LRRC4C: variants seen among roughly 807,000 people sequenced by gnomAD.
LRRC4C encodes the protein leucine-rich repeat-containing protein 4C.
LRRC4C carries 5 observed loss-of-function variants against 33.6 expected under a neutral mutation model. The ratio of observed to expected loss-of-function variants is 0.15; its 90% confidence interval spans 0.08 to 0.31. The LOEUF is 0.31. Among genes scored for constraint, LRRC4C ranks in the 10% least tolerant of loss-of-function variants. LRRC4C has a pLI of 1.00. For synonymous variants in LRRC4C, 329 were observed against 302.0 expected, an observed-to-expected ratio of 1.09 and a Z score of -0.93; for missense variants, 560 against 796.7, an observed-to-expected ratio of 0.70 and a Z score of 3.58.
intron 1 of LRRC4C, among the ~76,000 whole-genome samples, chr11:41,146,923 G>T (rs568689604): frequency 6.6e-6 from 1 of 152,190 alleles, no homozygotes; most frequent in Admixed American, 6.5e-5. Flanking sequence ...AAAAATTCTG[G>T]GTTCAGGGTT....
At chr11:40,696,255 G>T (rs1384668654) in intron 2 of LRRC4C, among the ~76,000 whole-genome samples, 1 of 100,972 alleles carries the variant, frequency 9.9e-6, no homozygotes, top group Admixed American at 8.8e-5. Flanking sequence ...TGGGGGTGAG[G>T]TATTATCTTC....
At chr11:40,350,393 C>T (rs1276976584) in intron 3 of LRRC4C, among the ~76,000 whole-genome samples, 2 of 151,914 alleles carry the variant, frequency 1.3e-5, no homozygotes, top group African/African-American at 4.8e-5. Context: ...AATGAGTTCA[C>T]GGCAGATGTA....
chr11:41,230,436 C>G (rs1166447953), intron 1 of LRRC4C, among the ~76,000 whole-genome samples: 1 of 152,096 alleles, frequency 6.6e-6, no homozygotes, highest in Non-Finnish European at 1.5e-5. Flanking sequence ...GCAAATCCCA[C>G]TTTCTCAGCC....
intron 1 of LRRC4C, among the ~76,000 whole-genome samples, chr11:41,086,660 A>T (rs947957005): frequency 3.3e-5 from 5 of 152,150 alleles, no homozygotes; most frequent in African/African-American, 4.8e-5. Context: ...TCTTACAGGC[A>T]TGGTGACTTT....
At chr11:41,383,730 A>G (rs1953245929) in intron 1 of LRRC4C, among the ~76,000 whole-genome samples, 1 of 151,998 alleles carries the variant, frequency 6.6e-6, no homozygotes, top group Non-Finnish European at 1.5e-5. Context: ...ATTTCATGAT[A>G]GAAATAAATA....
intron 2 of LRRC4C, among the ~76,000 whole-genome samples, chr11:40,702,863 C>T (rs1945942585): frequency 6.6e-6 from 1 of 152,130 alleles, no homozygotes; most frequent in Non-Finnish European, 1.5e-5. Flanking sequence ...GACCCCACTC[C>T]TTCATCCCCC....
chr11:41,126,395 A>G (rs370224243), intron 1 of LRRC4C, among the ~76,000 whole-genome samples: 1 of 151,968 alleles, frequency 6.6e-6, no homozygotes, highest in Non-Finnish European at 1.5e-5. Context: ...AAGGGTTGCA[A>G]TAGGGATCCT....
intron 1 of LRRC4C, among the ~76,000 whole-genome samples, chr11:41,083,448 A>T (rs2902121): frequency 0.26 from 39,170 of 151,966 alleles, 5,228 homozygotes; most frequent in Admixed American, 0.34. Flanking sequence ...CGACTTTCTC[A>T]GCCCGCCACA....
At chr11:40,649,614 C>G (rs1942666059) in intron 2 of LRRC4C, among the ~76,000 whole-genome samples, 1 of 152,054 alleles carries the variant, frequency 6.6e-6, no homozygotes, top group Non-Finnish European at 1.5e-5. Context: ...GACATACATT[C>G]TCAGTTTATG....
At chr11:40,501,888 G>A (rs777825382) in intron 3 of LRRC4C, among the ~76,000 whole-genome samples, 1 of 152,136 alleles carries the variant, frequency 6.6e-6, no homozygotes, top group Non-Finnish European at 1.5e-5. Context: ...CCTATTGTCA[G>A]GCTGCAAAAT....
At chr11:40,937,609 G>GTA (rs1957963462) in intron 1 of LRRC4C, among the ~76,000 whole-genome samples, 1 of 127,256 alleles carries the variant, frequency 7.9e-6, no homozygotes, top group Non-Finnish European at 1.7e-5. Flanking sequence ...GTATATGTGT[G>GTA]TGTGTGTGTG....
At chr11:40,827,494 C>G (rs1474547006) in intron 2 of LRRC4C, among the ~76,000 whole-genome samples, 1 of 151,862 alleles carries the variant, frequency 6.6e-6, no homozygotes, top group Non-Finnish European at 1.5e-5. Context: ...TCTTTGCTAT[C>G]TTCTTTCTAG....
At chr11:41,315,564 T>C (rs1227885342) in intron 1 of LRRC4C, among the ~76,000 whole-genome samples, 2 of 152,098 alleles carry the variant, frequency 1.3e-5, no homozygotes, top group Non-Finnish European at 2.9e-5. Flanking sequence ...AGAAGTGAGT[T>C]CTCCAACCCC....
chr11:40,927,801 C>T (rs1177985232), intron 2 of LRRC4C, among the ~76,000 whole-genome samples: 4 of 152,138 alleles, frequency 2.6e-5, no homozygotes, highest in Non-Finnish European at 4.4e-5. Context: ...TAAGGGCATG[C>T]TTTTGACATA....
intron 2 of LRRC4C, among the ~76,000 whole-genome samples, chr11:40,914,773 T>C (rs145715322): frequency 0.061 from 9,296 of 152,208 alleles, 399 homozygotes; most frequent in Admixed American, 0.15. Context: ...TGTTTGCAGA[T>C]GACATGATTA....
chr11:40,852,723 T>C, intron 2 of LRRC4C, among the ~76,000 whole-genome samples: 1 of 152,186 alleles, frequency 6.6e-6, no homozygotes, highest in East Asian at 1.9e-4. Flanking sequence ...AACATTAGTA[T>C]GATGACATAA....
chr11:41,055,491 C>A (rs763567816), intron 1 of LRRC4C, among the ~76,000 whole-genome samples: 1 of 152,100 alleles, frequency 6.6e-6, no homozygotes, highest in Non-Finnish European at 1.5e-5. Context: ...TCTTAACCAA[C>A]TCATGGAATA....
At chr11:41,370,825 G>A (rs1229127919) in intron 1 of LRRC4C, among the ~76,000 whole-genome samples, 1 of 152,098 alleles carries the variant, frequency 6.6e-6, no homozygotes, top group Non-Finnish European at 1.5e-5. Context: ...ATAGGCATGA[G>A]CTACCACGCT....
At chr11:41,189,384 G>A (rs938520467) in intron 1 of LRRC4C, among the ~76,000 whole-genome samples, 3 of 152,032 alleles carry the variant, frequency 2.0e-5, no homozygotes, top group Admixed American at 6.6e-5. Flanking sequence ...TAGACCTTGC[G>A]GATTATGTGA....
Sources: gnomAD v4.1 joint callset for allele counts (sites outside exome capture counted in the v4.1 genomes callset) on GRCh38, gnomAD v4.1.1 for gene constraint, MANE v1.5 for transcripts, NCBI Gene and HGNC (gene_info 2026-07-23, HGNC 2026-07-21) for gene names.